Variants in TNFAIP8L3 observed in about 807,000 individuals in gnomAD.
The protein encoded by TNFAIP8L3 is tumor necrosis factor alpha-induced protein 8-like protein 3.
In TNFAIP8L3, 7 loss-of-function variants were observed where a neutral mutation model predicts 11.8. The ratio of observed to expected loss-of-function variants is 0.59; its 90% CI spans 0.34 to 1.11. The LOEUF is 1.11. Ranked by LOEUF, TNFAIP8L3 falls within the 50% of genes most tolerant of loss-of-function variation. The pLI is 0.03. For missense variants in TNFAIP8L3, 219 were observed against 258.6 expected, an observed-to-expected ratio of 0.85 and a Z score of 1.05; for synonymous variants, 98 against 103.8, an observed-to-expected ratio of 0.94 and a Z score of 0.34.
chr15:51,100,266 A>T (rs2065541016), intron 1 of TNFAIP8L3, among the ~76,000 whole-genome samples: 1 of 152,198 alleles, frequency 6.6e-6, no homozygotes, highest in Admixed American at 6.5e-5. Flanking sequence ...TGCTAGGTGG[A>T]TCTGGAGTAG....
At chr15:51,060,241 A>C (rs1304496883) in intron 1 of TNFAIP8L3, among the ~76,000 whole-genome samples, 1 of 152,216 alleles carries the variant, frequency 6.6e-6, no homozygotes, top group Non-Finnish European at 1.5e-5. Flanking sequence ...GCAAAATCAA[A>C]GTTGTTCTCC....
At chr15:51,078,276 T>C (rs182273888) in intron 1 of TNFAIP8L3, among the ~76,000 whole-genome samples, 203 of 137,552 alleles carry the variant, frequency 1.5e-3, no homozygotes, top group African/African-American at 5.2e-3. Flanking sequence ...GAGGGCATTT[T>C]CGGTTGTCAC....
intron 1 of TNFAIP8L3, among the ~76,000 whole-genome samples, chr15:51,061,987 T>G (rs1439474032): frequency 6.6e-6 from 1 of 152,136 alleles, no homozygotes; most frequent in Non-Finnish European, 1.5e-5. Flanking sequence ...AATGTCCAAT[T>G]AAAATTTTTT....
chr15:51,104,584 G>A (rs764838707), intron 1 of TNFAIP8L3, among the ~76,000 whole-genome samples: 6 of 152,154 alleles, frequency 3.9e-5, no homozygotes, highest in Non-Finnish European at 5.9e-5. Flanking sequence ...TCCCTGATGA[G>A]TGCACTCCTG....
chr15:51,102,558 C>T (rs970699643), intron 1 of TNFAIP8L3, among the ~76,000 whole-genome samples: 3 of 152,194 alleles, frequency 2.0e-5, no homozygotes, highest in African/African-American at 7.2e-5. Context: ...CATCTACACC[C>T]AGTCGAGGGC....
chr15:51,099,520 C>G (rs2065535931), upstream of TNFAIP8L3, among the ~76,000 whole-genome samples: 1 of 152,190 alleles, frequency 6.6e-6, no homozygotes, highest in South Asian at 2.1e-4. Context: ...TAGCCCAACC[C>G]TATGGGGTTA....
chr15:51,059,988 C>A (rs2065232372), intron 1 of TNFAIP8L3, among the ~76,000 whole-genome samples: 1 of 152,242 alleles, frequency 6.6e-6, no homozygotes. Flanking sequence ...CTTTAAGCAA[C>A]TTCACACCCA....
chr15:51,074,191 C>A (rs1567290492), intron 1 of TNFAIP8L3, among the ~76,000 whole-genome samples: 1 of 152,184 alleles, frequency 6.6e-6, no homozygotes, highest in Non-Finnish European at 1.5e-5. Context: ...AGCTTTCCTT[C>A]TTTTTCTGTG....
chr15:51,098,518 T>C (rs2065528761), upstream of TNFAIP8L3, among the ~76,000 whole-genome samples: 1 of 152,050 alleles, frequency 6.6e-6, no homozygotes, highest in Non-Finnish European at 1.5e-5. Context: ...GCTAGCTTGA[T>C]ATCCATCTAA....
In TNFAIP8L3 at chr15:51,060,150, G is replaced by A. The variant is rs898686716; in HGVS notation, c.53-1707C>T. Among the ~76,000 whole-genome samples the A allele has an allele frequency of 3.7e-4, 57 of 152,338 alleles. 1 individual carries two copies. Among genetic ancestry groups the A allele is most frequent in the African/African-American group, 1.3e-3 (55 of 41,584 alleles). ...ACTTCCTGACTGATGCTATTCCAGA[G>A]TTTGAGGCAAATGATATTCCTGCCC... On this transcript the variant is annotated intron_variant, in intron 1 of 1. Coordinates refer to ENST00000637513, the MANE Select transcript of TNFAIP8L3 (RefSeq NM_001311175.2).
chr15:51,079,144 C>T (rs1185171685), intron 1 of TNFAIP8L3, among the ~76,000 whole-genome samples: 2 of 152,266 alleles, frequency 1.3e-5, no homozygotes, highest in East Asian at 3.9e-4. Flanking sequence ...CAGCTCCAGG[C>T]CACAGGCAGG....
At chr15:51,081,149 G>A (rs1397318388) in intron 1 of TNFAIP8L3, among the ~76,000 whole-genome samples, 3 of 152,158 alleles carry the variant, frequency 2.0e-5, no homozygotes, top group Non-Finnish European at 4.4e-5. Flanking sequence ...GAGGGCTTGT[G>A]GGGGTGGGTG....
rs956589066 is a variant in TNFAIP8L3, at chr15:51,094,020, G to C, written c.52+524C>G. ...CGGCTGCGCGGCAGCGATGGACCCTGTGCATGGGCTCTCCTAGCAGCCTCG... is the reference window on the plus strand; with the variant it reads ...CGGCTGCGCGGCAGCGATGGACCCTCTGCATGGGCTCTCCTAGCAGCCTCG... On this transcript the variant is annotated intron_variant, in intron 1 of 1. Coordinates refer to ENST00000637513, the MANE Select transcript of TNFAIP8L3 (RefSeq NM_001311175.2). This position sits in a 1 kb window ranked among gnomAD's most constrained non-coding sequence, Gnocchi z 4.4. 6.6e-6 allele frequency among the ~76,000 whole-genome samples: 1 copy of C among 152,090 alleles called. No homozygotes were observed. The highest frequency in any genetic ancestry group is 1.9e-4 in the East Asian group (1 of 5,154).
chr15:51,081,330 TG>T lies in TNFAIP8L3; in HGVS notation c.52+13213del, dbSNP rs552808967. On this transcript the variant is annotated intron_variant, in intron 1 of 1. Transcript: ENST00000637513. ...GTGTGGACAAGATGGGTAGGGCCCA[TG>T]GGGGGCCCAGCTTTTCTGGAAGTTT... 2.9e-3 allele frequency among the ~76,000 whole-genome samples: 439 copies of T among 152,272 alleles called. 3 individuals are homozygous for T. Among genetic ancestry groups the T allele is most frequent in the African/African-American group, 0.01 (427 of 41,560 alleles).
chr15:51,085,911 A>G (rs966643545), intron 1 of TNFAIP8L3, among the ~76,000 whole-genome samples: 1 of 152,180 alleles, frequency 6.6e-6, no homozygotes, highest in Non-Finnish European at 1.5e-5. Flanking sequence ...ATATTCTACC[A>G]TGAGCTTGCA....
chr15:51,086,845 C>T (rs2065431487), intron 1 of TNFAIP8L3, among the ~76,000 whole-genome samples: 1 of 151,666 alleles, frequency 6.6e-6, no homozygotes, highest in Admixed American at 6.6e-5. Flanking sequence ...TGACCTTGGG[C>T]TGGCAAGGAT....
At chr15:51,104,303 C>G (rs2065573945) in intron 1 of TNFAIP8L3, among the ~76,000 whole-genome samples, 1 of 152,154 alleles carries the variant, frequency 6.6e-6, no homozygotes, top group Non-Finnish European at 1.5e-5. Flanking sequence ...GCTGTCTCCC[C>G]TTATCCAGCC....
At chr15:51,062,917 G>A (rs2065249674) in intron 1 of TNFAIP8L3, among the ~76,000 whole-genome samples, 1 of 152,136 alleles carries the variant, frequency 6.6e-6, no homozygotes, top group Non-Finnish European at 1.5e-5. Context: ...GTGAAAGAGG[G>A]AAGTGGGAGA....
At chr15:51,083,624 C>G (rs2065407203) in intron 1 of TNFAIP8L3, among the ~76,000 whole-genome samples, 1 of 152,212 alleles carries the variant, frequency 6.6e-6, no homozygotes, top group Non-Finnish European at 1.5e-5. Flanking sequence ...GACTGGGATG[C>G]TGCAGTGTCC....
Sources: allele counts gnomAD v4.1 joint callset (sites outside exome capture counted in the v4.1 genomes callset), GRCh38; gene constraint gnomAD v4.1.1; non-coding constraint Gnocchi (gnomAD v3.1); transcripts MANE v1.5; gene names NCBI Gene and HGNC (gene_info 2026-07-23, HGNC 2026-07-21).